The following CYBB variants were observed in gnomAD, a reference collection of about 807,000 sequenced individuals.
CYBB encodes NADPH oxidase 2.
Under a neutral mutation model 46.5 loss-of-function variants are expected in CYBB, and 5 were observed. That is an observed-to-expected ratio of 0.11 (90% CI 0.06 to 0.23). CYBB has a LOEUF of 0.23. Ranked by LOEUF, CYBB falls within the 10% of genes least tolerant of loss-of-function variation. The probability of loss-of-function intolerance (pLI) is 1.00; values close to 1 mark genes in which losing one functional copy is unlikely to be tolerated. For synonymous variants in CYBB, 183 were observed against 156.7 expected, an observed-to-expected ratio of 1.17 and a Z score of -1.26; for missense variants, 307 against 428.3, an observed-to-expected ratio of 0.72 and a Z score of 2.50.
At chrX:37,790,795 G>A (rs782604893) in intron 3 of CYBB, among the ~76,000 whole-genome samples, 187 of 111,038 alleles carry the variant, frequency 1.7e-3, no homozygotes, top group Non-Finnish European at 3.1e-3. Context: ...AAAACATTTA[G>A]AACCAAATAT....
At position 37,805,150 on chromosome X, in the gene CYBB, C is replaced by G. The variant is rs782808570; in HGVS notation, c.1296C>G (p.Thr432=). Residue 432 remains threonine (T), a synonymous_variant, in exon 10 of 13, where the codon ACC becomes ACG. Transcript: ENST00000378588. ...SVWYKYCNNA[T]NLKLKKIYFY... is the part of the protein sequence containing the mutation. The stretch of plus-strand genomic sequence containing the variant: ...GGTACAAATATTGCAATAACGCCAC[C>G]AATCTGAAGCTCAAAAAGGTAAGTC... The G allele has an allele frequency of 6.6e-6, 8 of 1,210,838 alleles. No individual in the cohort carries two copies. Among genetic ancestry groups the G allele is most frequent in the Non-Finnish European group, 8.9e-6 (8 of 894,915 alleles).
At chrX:37,809,785 A>G in intron 12 of CYBB, 94 bp downstream of exon 12, 1 of 880,251 alleles carries the variant, frequency 1.1e-6, no homozygotes, top group Admixed American at 2.6e-5. Context: ...TTAGAAACTC[A>G]AATATGTATA....
intron 6 of CYBB, 90 bp downstream of exon 6, chrX:37,796,231 G>A: frequency 1.3e-6 from 1 of 798,539 alleles, no homozygotes; most frequent in Non-Finnish European, 1.9e-6. Context: ...CTCCTTGCCT[G>A]TGTGTGGTTA....
Position 37,810,779 on chromosome X carries a change from C to G in CYBB, c.1587-12C>G. The stretch of plus-strand genomic sequence containing the variant: ...AAAGCTTGAAATTGTCTTTTTTTTT[C>G]TTTCCCAAAAGTACCAGAATAGGAG... On this transcript the variant is annotated splice_polypyrimidine_tract_variant and intron_variant, in intron 12 of 12. Coordinates refer to ENST00000378588, the MANE Select transcript of CYBB (RefSeq NM_000397.4). The G allele has an allele frequency of 8.3e-7, 1 of 1,202,177 alleles. No individual in the cohort carries two copies. Among genetic ancestry groups the G allele is most frequent in the Middle Eastern group, 2.3e-4 (1 of 4,312 alleles).
chrX:37,810,715 C>A, intron 12 of CYBB, 76 bp from the exon 13 acceptor site: 1 of 1,099,414 alleles, frequency 9.1e-7, no homozygotes, highest in Non-Finnish European at 1.2e-6. Flanking sequence ...CTCAAATTAA[C>A]GGGAAATTCA....
intron 3 of CYBB, among the ~76,000 whole-genome samples, chrX:37,785,763 G>C (rs781792773): frequency 9.0e-5 from 10 of 111,497 alleles, no homozygotes; most frequent in Non-Finnish European, 1.5e-4. Context: ...ACCCCCATTA[G>C]AATAGTTTCT....
chrX:37,784,637 G>T (rs1365294889), intron 3 of CYBB, among the ~76,000 whole-genome samples: 5 of 111,511 alleles, frequency 4.5e-5, no homozygotes, highest in African/African-American at 1.6e-4. Flanking sequence ...AAAAAGTAGG[G>T]ATTGGTGTCC....
At chrX:37,804,685 G>A (rs782694679) in intron 9 of CYBB, among the ~76,000 whole-genome samples, 2 of 109,653 alleles carry the variant, frequency 1.8e-5, no homozygotes, top group Non-Finnish European at 3.8e-5. Flanking sequence ...TTTCAAGAGT[G>A]GGATGTCCTG....
intron 1 of CYBB, among the ~76,000 whole-genome samples, chrX:37,781,002 C>T (rs1481735533): frequency 9.0e-6 from 1 of 111,583 alleles, no homozygotes; most frequent in East Asian, 2.8e-4. Flanking sequence ...AAAAATTTAT[C>T]ATGAAAAATA....
At chrX:37,791,559 A>C (rs782580099) in intron 3 of CYBB, among the ~76,000 whole-genome samples, 1 of 112,131 alleles carries the variant, frequency 8.9e-6, no homozygotes, top group Admixed American at 9.4e-5. Context: ...TTGTTCTAGA[A>C]CTGTTCACTT....
intron 3 of CYBB, among the ~76,000 whole-genome samples, chrX:37,790,484 T>C: frequency 8.9e-6 from 1 of 112,261 alleles, no homozygotes; most frequent in East Asian, 2.8e-4. Flanking sequence ...ATTTACCTTG[T>C]TGCATTAAAT....
chrX:37,808,588 G>A (rs1289109792), intron 11 of CYBB, among the ~76,000 whole-genome samples: 1 of 112,194 alleles, frequency 8.9e-6, no homozygotes, highest in Non-Finnish European at 1.9e-5. Context: ...AAGTCTTAAA[G>A]GAATCTTGTA....
In CYBB at chrX:37,795,890, ATGTG is replaced by A. The variant is rs57325016; in HGVS notation, c.484-17_484-14del. 14,569 of 577,595 alleles carry A rather than the reference ATGTG, an allele frequency of 0.025. 117 individuals are homozygous for A. Among genetic ancestry groups the A allele is most frequent in the African/African-American group, 0.076 (3,080 of 40,464 alleles). 47.6% of individuals were successfully genotyped at this position (577,595 alleles called of 1,213,427 possible). ...AACCTATAATATTGTGCTTGCGCACATGTGTGTGTGTGTGTGTGTGTGTGTGTGT... is the reference window on the plus strand; with the variant it reads ...AACCTATAATATTGTGCTTGCGCACATGTGTGTGTGTGTGTGTGTGTGTGT... On this transcript the variant is annotated intron_variant, in intron 5 of 12. Coordinates refer to ENST00000378588, the MANE Select transcript of CYBB (RefSeq NM_000397.4).
chrX:37,809,770 A>G (rs949514934), intron 12 of CYBB, 79 bp downstream of exon 12: 2 of 1,028,682 alleles, frequency 1.9e-6, no homozygotes, highest in Middle Eastern at 2.6e-4. Flanking sequence ...CTAAACTTAT[A>G]TATTTTAGAA....
intron 3 of CYBB, among the ~76,000 whole-genome samples, chrX:37,789,299 C>A (rs1368395886): frequency 9.2e-6 from 1 of 109,171 alleles, no homozygotes; most frequent in Non-Finnish European, 1.9e-5. Flanking sequence ...TCCCTTTTGC[C>A]ATATAATGTA....
At chrX:37,802,459 G>A (rs1178718717) in intron 8 of CYBB, among the ~76,000 whole-genome samples, 1 of 111,787 alleles carries the variant, frequency 8.9e-6, no homozygotes, top group Non-Finnish European at 1.9e-5. Context: ...GAAACAAGAT[G>A]TTATCCAAAA....
chrX:37,784,893 G>A (rs1327179965), intron 3 of CYBB, among the ~76,000 whole-genome samples: 5 of 111,482 alleles, frequency 4.5e-5, no homozygotes, highest in Admixed American at 1.9e-4. Context: ...TAGTTGAGGA[G>A]TTCATGCTTA....
intron 6 of CYBB, 100 bp from the exon 7 acceptor site, chrX:37,798,855 C>G: frequency 1.2e-6 from 1 of 868,820 alleles, no homozygotes; most frequent in Non-Finnish European, 1.7e-6. Flanking sequence ...GTGAAAAGTA[C>G]AGGGCCTACA....
At chrX:37,797,710 C>G (rs1167838992) in intron 6 of CYBB, among the ~76,000 whole-genome samples, 1 of 111,721 alleles carries the variant, frequency 9.0e-6, no homozygotes, top group African/African-American at 3.3e-5. Flanking sequence ...TATAATGAAC[C>G]TTTAATGAGG....
Sources: allele counts gnomAD v4.1 joint callset (sites outside exome capture counted in the v4.1 genomes callset), GRCh38; gene constraint gnomAD v4.1.1; transcripts MANE v1.5; gene names NCBI Gene and HGNC (gene_info 2026-07-23, HGNC 2026-07-21).